ARFGAP3: variants seen among roughly 807,000 people sequenced by gnomAD.
ARFGAP3 encodes the protein ADP-ribosylation factor GTPase-activating protein 3.
In ARFGAP3, 72 loss-of-function variants were observed where a neutral mutation model predicts 75.0. That is an observed-to-expected ratio of 0.96 (90% confidence interval 0.79 to 1.17). The LOEUF (loss-of-function observed/expected upper bound fraction) is 1.17, where lower values mean the gene tolerates loss of function less well. Ranked by LOEUF, ARFGAP3 falls within the 50% of genes most tolerant of loss-of-function variation. ARFGAP3 has a pLI of 0.00. For synonymous variants in ARFGAP3, 221 were observed against 217.9 expected, an observed-to-expected ratio of 1.01 and a Z score of -0.13; for missense variants, 620 against 626.6, an observed-to-expected ratio of 0.99 and a Z score of 0.11.
intron 5 of ARFGAP3, among the ~76,000 whole-genome samples, chr22:42,832,962 G>C (rs1171054132): frequency 6.6e-6 from 1 of 151,440 alleles, no homozygotes; most frequent in Non-Finnish European, 1.5e-5. Context: ...TACAGCCTGG[G>C]AAACAAGAGG....
intron 2 of ARFGAP3, among the ~76,000 whole-genome samples, chr22:42,842,605 C>T (rs1926836263): frequency 6.6e-6 from 1 of 151,914 alleles, no homozygotes; most frequent in African/African-American, 2.4e-5. Context: ...TGCGGAACCA[C>T]ACCTGGCTAA....
chr22:42,845,281 T>C (rs1448186353), intron 2 of ARFGAP3, among the ~76,000 whole-genome samples: 2 of 149,052 alleles, frequency 1.3e-5, no homozygotes, highest in Admixed American at 6.8e-5. Flanking sequence ...TCCCAGCACT[T>C]TGGGAGGCCG....
At chr22:42,826,849 G>T in intron 7 of ARFGAP3, 91 bp downstream of exon 7, 1 of 1,043,272 alleles carries the variant, frequency 9.6e-7, no homozygotes, top group Non-Finnish European at 1.4e-6. Flanking sequence ...ACTCCGTCAG[G>T]TGAGATGCCC....
intron 9 of ARFGAP3, among the ~76,000 whole-genome samples, chr22:42,818,513 T>TA (rs1312068867): frequency 6.6e-6 from 1 of 152,018 alleles, no homozygotes; most frequent in African/African-American, 2.4e-5. Context: ...ACCAAAGGGG[T>TA]AAAAAGGTGT....
chr22:42,822,074 A>G (rs967705633), intron 9 of ARFGAP3, among the ~76,000 whole-genome samples, 196 bp downstream of exon 9: 1 of 152,118 alleles, frequency 6.6e-6, no homozygotes, highest in African/African-American at 2.4e-5. Flanking sequence ...TTACAGCCTC[A>G]GCAGAGTGTT....
intron 6 of ARFGAP3, 144 bp from the exon 7 acceptor site, chr22:42,827,143 T>G: frequency 2.3e-6 from 3 of 1,308,612 alleles, no homozygotes; most frequent in Non-Finnish European, 3.0e-6. Flanking sequence ...ATATTCTATT[T>G]TAACGTTATA....
intron 2 of ARFGAP3, among the ~76,000 whole-genome samples, chr22:42,843,839 A>G (rs1174186318): frequency 6.6e-6 from 1 of 152,166 alleles, no homozygotes; most frequent in Non-Finnish European, 1.5e-5. Context: ...CCAGCAATGG[A>G]GGTGAAAAGG....
intron 3 of ARFGAP3, among the ~76,000 whole-genome samples, chr22:42,838,435 C>G (rs1174468243): frequency 6.6e-6 from 1 of 151,564 alleles, no homozygotes; most frequent in Non-Finnish European, 1.5e-5. Context: ...GTAGCTGAGG[C>G]TATAGGCAGG....
intron 11 of ARFGAP3, among the ~76,000 whole-genome samples, chr22:42,812,224 CAAAAA>C (rs3046479): frequency 1.8e-5 from 1 of 56,628 alleles, no homozygotes; most frequent in African/African-American, 6.9e-5. Flanking sequence ...GATACTGTCT[CAAAAA>C]AAAAAAAAAA....
intron 3 of ARFGAP3, among the ~76,000 whole-genome samples, chr22:42,840,649 G>A (rs369327303): frequency 5.3e-5 from 8 of 151,228 alleles, no homozygotes; most frequent in African/African-American, 7.3e-5. Context: ...GGCTGGTCTC[G>A]AACTCTTGAC....
At chr22:42,810,735 A>C in intron 12 of ARFGAP3, 78 bp downstream of exon 12, 1 of 1,295,316 alleles carries the variant, frequency 7.7e-7, no homozygotes, top group South Asian at 1.3e-5. Context: ...AAGGGTTTTC[A>C]TGTCATCATG....
At chr22:42,839,720 T>C (rs1247703678) in intron 3 of ARFGAP3, among the ~76,000 whole-genome samples, 2 of 152,094 alleles carry the variant, frequency 1.3e-5, no homozygotes, top group South Asian at 2.1e-4. Flanking sequence ...ACTATTATCA[T>C]AAAGAAGCCT....
chr22:42,817,586 C>G, intron 10 of ARFGAP3, 143 bp downstream of exon 10: 1 of 815,378 alleles, frequency 1.2e-6, no homozygotes. Flanking sequence ...TACTGAATAC[C>G]AGAGCAAAGC....
At chr22:42,842,011 C>CTTTTTTTTTTTTTTTTTTTTTTTTTT (rs55825441) in intron 2 of ARFGAP3, among the ~76,000 whole-genome samples, 3 of 91,272 alleles carry the variant, frequency 3.3e-5, no homozygotes, top group Non-Finnish European at 4.1e-5. Flanking sequence ...CCATGCCGGG[C>CTTTTTTTTTTTTTTTTTTTTTTTTTT]TTTTTTTTTT....
At chr22:42,834,504 TA>T in intron 4 of ARFGAP3, 179 bp from the exon 5 acceptor site, 1 of 815,004 alleles carries the variant, frequency 1.2e-6, no homozygotes, top group African/African-American at 1.9e-5. Context: ...TATCATCCAG[TA>T]AATTTTGCTT....
Position 42,841,018 on chromosome 22 carries a change from T to C in ARFGAP3, c.189-2A>G. 1 of 1,613,600 alleles carries C rather than the reference T, an allele frequency of 6.2e-7. No individual in the cohort carries two copies. Among genetic ancestry groups the C allele is most frequent in the South Asian group, 1.1e-5 (1 of 90,914 alleles). Reference sequence around the variant, plus strand: ...CAGTTGGAATCCAACTCTGTAGATCTAAATGGAAAGAATATTACTAACTGT... The same window carrying C: ...CAGTTGGAATCCAACTCTGTAGATCCAAATGGAAAGAATATTACTAACTGT... On this transcript the variant is annotated splice_acceptor_variant, in intron 2 of 15. Transcript: ENST00000263245. LOFTEE classifies it high-confidence loss of function.
At chr22:42,833,436 C>T (rs1373043641) in intron 5 of ARFGAP3, among the ~76,000 whole-genome samples, 1 of 152,104 alleles carries the variant, frequency 6.6e-6, no homozygotes, top group East Asian at 1.9e-4. Flanking sequence ...GATGGGAGCT[C>T]CCTCCAGACT....
chr22:42,850,930 G>A (rs1927252107), intron 1 of ARFGAP3, among the ~76,000 whole-genome samples: 1 of 152,250 alleles, frequency 6.6e-6, no homozygotes, highest in Non-Finnish European at 1.5e-5. Flanking sequence ...AGTCTTTAAA[G>A]AGCTCACTGA....
chr22:42,835,361 C>G lies in ARFGAP3; in HGVS notation c.393+1G>C. 1.2e-6 allele frequency: 2 copies of G among 1,613,860 alleles called. No individual in the cohort carries two copies. Among genetic ancestry groups the G allele is most frequent in the Non-Finnish European group, 1.7e-6 (2 of 1,179,850 alleles). The stretch of plus-strand genomic sequence containing the variant: ...AAACAATCCAGCCTCCAGTGACTTA[C>G]ATCAGTGCCATGCTTCCGTGTTGCT... On this transcript the variant is annotated splice_donor_variant, in intron 4 of 15. Transcript: ENST00000263245. LOFTEE classifies it high-confidence loss of function.
Sources: gnomAD v4.1 joint callset for allele counts (sites outside exome capture counted in the v4.1 genomes callset) on GRCh38, gnomAD v4.1.1 for gene constraint, MANE v1.5 for transcripts, NCBI Gene and HGNC (gene_info 2026-07-23, HGNC 2026-07-21) for gene names.